The following ITGA5 variants were observed in gnomAD, a reference collection of about 807,000 sequenced individuals.
ITGA5 encodes the protein integrin alpha-5.
A neutral mutation model predicts 146.3 loss-of-function variants in ITGA5; 55 were observed. The observed-to-expected ratio is 0.38, with a 90% CI of 0.30 to 0.47. The LOEUF is 0.47. Among genes scored for constraint, ITGA5 ranks in the 20% least tolerant of loss-of-function variants. The pLI is 0.99. For missense variants in ITGA5, 1,131 were observed against 1,329.0 expected (o/e 0.85, Z 2.32); for synonymous variants, 500 against 531.8 (o/e 0.94, Z 0.82).
Position 54,403,451 on chromosome 12 carries a change from G to A in ITGA5, c.1777-127C>T. The stretch of plus-strand genomic sequence containing the variant: ...TTCCGACCATCCTCATTGTTTCAGA[G>A]GCCCTGGCAGCCTGCTTCCCAGCTC... On this transcript the variant is annotated intron_variant, in intron 17 of 29. Transcript: ENST00000293379. The surrounding 1 kb of genome is among the most constrained non-coding windows in gnomAD (Gnocchi z 4.9). The A allele has an allele frequency of 7.6e-7, 1 of 1,310,214 alleles. No homozygotes were observed. Among genetic ancestry groups the A allele is most frequent in the Non-Finnish European group, 1.0e-6 (1 of 960,176 alleles). 81.2% of individuals were successfully genotyped at this position (1,310,214 alleles called of 1,614,324 possible).
At chr12:54,414,070 C>A (rs1226721694) in intron 1 of ITGA5, among the ~76,000 whole-genome samples, 1 of 152,166 alleles carries the variant, frequency 6.6e-6, no homozygotes, top group African/African-American at 2.4e-5. Flanking sequence ...TCCGGCTGTG[C>A]GATGGTTCAG....
At chr12:54,412,047 A>G in intron 1 of ITGA5, 83 bp from the exon 2 acceptor site, 1 of 1,196,916 alleles carries the variant, frequency 8.4e-7, no homozygotes, top group Non-Finnish European at 1.1e-6. Context: ...CCAGGCCTCT[A>G]GGCTGGGGCT....
Position 54,401,239 on chromosome 12 carries a change from T to A in ITGA5, c.2493+134A>T. The A allele has an allele frequency of 1.2e-6, 1 of 820,170 alleles. No individual in the cohort carries two copies. Among genetic ancestry groups the A allele is most frequent in the Non-Finnish European group, 2.1e-6 (1 of 481,946 alleles). 50.8% of individuals were successfully genotyped at this position (820,170 alleles called of 1,614,324 possible). ...TGGCTGTTTCTCACAGGACTCTGCC[T>A]CATGCCTTTGCATATCACTTACTCC... On this transcript the variant is annotated intron_variant, in intron 24 of 29. Transcript: ENST00000293379. This position sits in a 1 kb window ranked among gnomAD's most constrained non-coding sequence, Gnocchi z 5.0.
chr12:54,408,338 A>C (rs1955894673), intron 6 of ITGA5, 103 bp from the exon 7 acceptor site: 1 of 1,328,062 alleles, frequency 7.5e-7, no homozygotes, highest in East Asian at 2.3e-5. Context: ...GGTTCAAGAA[A>C]GGGAAGCATG....
At chr12:54,407,344 C>T in intron 9 of ITGA5, 2 of 429,226 alleles carry the variant, frequency 4.7e-6, no homozygotes, top group South Asian at 5.8e-5. Flanking sequence ...TGTACATTGC[C>T]TAACAATTCA....
chr12:54,398,830 TCTC>T, intron 27 of ITGA5, 132 bp from the exon 28 acceptor site: 1 of 407,118 alleles, frequency 2.5e-6, no homozygotes, highest in Non-Finnish European at 4.3e-6. Context: ...TCTCTCTCTC[TCTC>T]TCTTTTTTTT....
rs2120586169 is a variant in ITGA5, at chr12:54,417,413, GACCAGGCCTGGCAGAGGCTCC to G, written c.218+1547_218+1567del. ...AAGAAGTTTGAGGGAACCTGGGGGA[GACCAGGCCTGGCAGAGGCTCC>G]AGGCCAGGGTGATGATGCAATGGGG... On this transcript the variant is annotated intron_variant, in intron 1 of 29. Coordinates refer to ENST00000293379, the MANE Select transcript of ITGA5 (RefSeq NM_002205.5). Among the ~76,000 whole-genome samples, 3 of 134,966 alleles carry G rather than the reference GACCAGGCCTGGCAGAGGCTCC, an allele frequency of 2.2e-5. No homozygotes were observed. The East Asian group carries it at 7.5e-4, about 34-fold the overall frequency. 88.5% of individuals were successfully genotyped at this position (134,966 alleles called of 152,430 possible).
chr12:54,411,850 A>G lies in ITGA5; in HGVS notation c.333T>C (p.Ile111=), dbSNP rs1407128504. 3 of 1,527,314 alleles carry G rather than the reference A, an allele frequency of 2.0e-6. No homozygotes were observed. The highest frequency in any genetic ancestry group is 2.6e-6 in the Non-Finnish European group (3 of 1,135,484). The allele number at this position is 1,527,314 out of a possible 1,614,324, so 94.6% of individuals were successfully genotyped here. A position where few individuals can be genotyped will look rare whatever the true frequency, so the allele number is the denominator to read the frequency against. The change falls in exon 2 of 30, where the codon ATT becomes ATC. Residue 111 remains isoleucine, a synonymous_variant. Transcript: ENST00000293379. The part of the protein sequence containing the change: ...WGASPTQCTP[I]EFDSKGSRLL... ...CTGGCCTACCTTTGCTGTCAAATTC[A>G]ATGGGGGTGCACTGTGTGGGGCTGG...
rs1955916475 is a variant in ITGA5 at position 54,409,668 on chromosome 12, A to G, written c.350-71T>C. The G allele has an allele frequency of 1.7e-5, 17 of 988,376 alleles. No individual in the cohort carries two copies. The highest frequency in any genetic ancestry group is 4.4e-5 in the Admixed American group (2 of 45,234). The allele number at this position is 988,376 out of a possible 1,614,324, so 61.2% of individuals were successfully genotyped here. A position where few individuals can be genotyped will look rare whatever the true frequency, so the allele number is the denominator to read the frequency against. On this transcript the variant is annotated intron_variant, in intron 2 of 29. Coordinates refer to ENST00000293379, the MANE Select transcript of ITGA5 (RefSeq NM_002205.5). The surrounding 1 kb of genome is among the most constrained non-coding windows in gnomAD (Gnocchi z 4.7). ...GAGCTCTAGGGCAGCCCCTACCCTCAGCCTGGGGATACCCAACAAACGCTT... is the reference window on the plus strand; with the variant it reads ...GAGCTCTAGGGCAGCCCCTACCCTCGGCCTGGGGATACCCAACAAACGCTT...
At chr12:54,415,423 C>T (rs1955994717) in intron 1 of ITGA5, among the ~76,000 whole-genome samples, 1 of 152,194 alleles carries the variant, frequency 6.6e-6, no homozygotes. Context: ...CGTTCTGACA[C>T]TCCCTAAGAA....
intron 1 of ITGA5, among the ~76,000 whole-genome samples, chr12:54,417,638 A>G (rs1005515375): frequency 6.6e-6 from 1 of 152,120 alleles, no homozygotes; most frequent in Admixed American, 6.5e-5. Flanking sequence ...TCCAAAAACT[A>G]TAGGGACTGA....
Position 54,403,138 on chromosome 12 carries a change from TACCC to T in ITGA5, c.1914+45_1914+48del. The T allele has an allele frequency of 3.1e-6, 5 of 1,591,422 alleles. No homozygotes were observed. Among genetic ancestry groups the T allele is most frequent in the Non-Finnish European group, 4.3e-6 (5 of 1,169,120 alleles). ...TCTTTCCATGGCCCTGCCCCCCCAA[TACCC>T]AGGCCTCTGTCTTCCCAGGTCCCTT... On this transcript the variant is annotated intron_variant, in intron 18 of 29. Coordinates refer to ENST00000293379, the MANE Select transcript of ITGA5 (RefSeq NM_002205.5). This position sits in a 1 kb window ranked among gnomAD's most constrained non-coding sequence, Gnocchi z 4.9.
In ITGA5 at chr12:54,419,057, C is replaced by A; in HGVS notation, c.142G>T (p.Ala48Ser). ...RVGGFNLDAE[A>S]PAVLSGPPGS... ...GGGGGCCCCGAGAGTACTGCTGGGG[C>A]CTCCGCGTCTAAGTTGAAGCCCCCG... The change falls in exon 1 of 30, where the codon GCC (alanine) becomes TCC (serine). Residue 48 changes from alanine to serine, a missense_variant. This residue lies in a region of ITGA5 where 175 missense variants were observed against 179.3 expected (regional missense o/e 0.98). Coordinates refer to ENST00000293379, the MANE Select transcript of ITGA5 (RefSeq NM_002205.5). 1 of 1,585,480 alleles carries A rather than the reference C, an allele frequency of 6.3e-7. No individual in the cohort carries two copies. The highest frequency in any genetic ancestry group is 8.6e-7 in the Non-Finnish European group (1 of 1,169,564).
chr12:54,412,176 C>T (rs1045878673), intron 1 of ITGA5: 6 of 448,212 alleles, frequency 1.3e-5, no homozygotes, highest in African/African-American at 1.0e-4. Context: ...TAACACAACC[C>T]TCCCCTCCTC....
intron 1 of ITGA5, among the ~76,000 whole-genome samples, chr12:54,414,716 G>A (rs547013815): frequency 3.3e-5 from 5 of 149,954 alleles, no homozygotes; most frequent in Non-Finnish European, 4.4e-5. Flanking sequence ...GCGTGGTGGC[G>A]GGCGCTTGTA....
Position 54,412,776 on chromosome 12 carries a change from CCTGCCGTCAGCT to C in ITGA5, c.219-824_219-813del, listed in dbSNP as rs1402386140. On this transcript the variant is annotated intron_variant, in intron 1 of 29. Coordinates refer to ENST00000293379, the MANE Select transcript of ITGA5 (RefSeq NM_002205.5). Reference sequence around the variant, plus strand: ...CATAGCTAAGGGCCTGGGCAGTCCTCCTGCCGTCAGCTCTGCCTCATTCATCCCTAGGTCTCT... The same window carrying C: ...CATAGCTAAGGGCCTGGGCAGTCCTCCTGCCTCATTCATCCCTAGGTCTCT... Among the ~76,000 whole-genome samples the C allele has an allele frequency of 1.4e-4, 21 of 152,320 alleles. No individual in the cohort carries two copies. In the South Asian group the frequency reaches 3.1e-3, roughly 23 times the overall value.
chr12:54,416,058 T>C lies in ITGA5; in HGVS notation c.218+2923A>G, dbSNP rs925561352. On this transcript the variant is annotated intron_variant, in intron 1 of 29. Transcript: ENST00000293379. This position sits in a 1 kb window ranked among gnomAD's most constrained non-coding sequence, Gnocchi z 4.1. The stretch of plus-strand genomic sequence containing the variant: ...CTGAAGCCTCAGTTGTTTTTATTTT[T>C]TGTTTGTTTGTTGTTGTTTTTTTGA... Among the ~76,000 whole-genome samples the C allele has an allele frequency of 5.3e-5, 8 of 152,158 alleles. No individual in the cohort carries two copies. The highest frequency in any genetic ancestry group is 1.9e-4 in the African/African-American group (8 of 41,440).
At chr12:54,404,555 G>A in intron 13 of ITGA5, 80 bp from the exon 14 acceptor site, 1 of 1,543,438 alleles carries the variant, frequency 6.5e-7, no homozygotes, top group Non-Finnish European at 9.0e-7. Flanking sequence ...TGGTTTCAAC[G>A]CTCAGGGAGG....
chr12:54,397,192 A>G (rs777495914), intron 29 of ITGA5, 173 bp downstream of exon 29: 2 of 594,156 alleles, frequency 3.4e-6, no homozygotes, highest in South Asian at 2.3e-5. Flanking sequence ...TAGGGGCTAT[A>G]GAATGAAGGG....
Sources: gnomAD v4.1 joint callset for allele counts (sites outside exome capture counted in the v4.1 genomes callset) on GRCh38, gnomAD v4.1.1 for gene constraint, gnomAD v4.1.1 regional missense constraint, Gnocchi (gnomAD v3.1) non-coding constraint, MANE v1.5 for transcripts, NCBI Gene and HGNC (gene_info 2026-07-23, HGNC 2026-07-21) for gene names.